The following PCDHA6 variants were observed in gnomAD, a reference collection of about 807,000 sequenced individuals.
The protein encoded by PCDHA6 is protocadherin alpha-6.
PCDHA6 carries 55 observed loss-of-function variants against 60.3 expected under a neutral mutation model. That is an observed-to-expected ratio of 0.91 (90% confidence interval 0.73 to 1.14). The LOEUF is 1.14. Among genes scored for constraint, PCDHA6 ranks in the 50% most tolerant of loss-of-function variants. The pLI, the probability that PCDHA6 is intolerant of heterozygous loss-of-function variation, is 0.00. For synonymous variants in PCDHA6, 652 were observed against 557.9 expected (o/e 1.17, Z -2.38); for missense variants, 1,327 against 1,256.5 (o/e 1.06, Z -0.85).
intron 2 of PCDHA6, among the ~76,000 whole-genome samples, chr5:140,981,613 G>C (rs1279038280): frequency 6.6e-6 from 1 of 152,056 alleles, no homozygotes; most frequent in Non-Finnish European, 1.5e-5. Flanking sequence ...CTCTAATTTT[G>C]ATGAGGGTTT....
rs782329809 is a variant in PCDHA6 at position 140,857,982 on chromosome 5, G to A, written c.2394+27497G>A. 7 of 1,596,582 alleles carry A rather than the reference G, an allele frequency of 4.4e-6. 1 individual carries two copies. In the Admixed American group the frequency reaches 5.1e-5, roughly 12 times the overall value. ...GATGAGACTGACTCGCCACGCCAGC[G>A]CCTACTGGTGCTGGTGAAGGACCAT... On this transcript the variant is annotated intron_variant, in intron 1 of 3. Coordinates refer to ENST00000529310, the MANE Select transcript of PCDHA6 (RefSeq NM_018909.4).
intron 3 of PCDHA6, among the ~76,000 whole-genome samples, chr5:140,991,888 A>T (rs1374098533): frequency 6.6e-6 from 1 of 152,178 alleles, no homozygotes; most frequent in African/African-American, 2.4e-5. Context: ...TGCCATAACA[A>T]ATTAACACAA....
chr5:140,856,905 C>T, intron 1 of PCDHA6: 1 of 1,595,990 alleles, frequency 6.3e-7, no homozygotes. Context: ...TTGGTCCCAC[C>T]CACGATAAGA....
At chr5:140,875,958 C>A in intron 1 of PCDHA6, 1 of 1,614,080 alleles carries the variant, frequency 6.2e-7, no homozygotes, top group Middle Eastern at 1.6e-4. Context: ...ATGCGGATAT[C>A]GGCGTAAACT....
At chr5:140,842,744 T>C in intron 1 of PCDHA6, 1 of 1,595,066 alleles carries the variant, frequency 6.3e-7, no homozygotes, top group East Asian at 2.2e-5. Context: ...CTGCCACATC[T>C]TCACGGTGTC....
At chr5:140,995,281 A>G (rs1159938577) in intron 3 of PCDHA6, among the ~76,000 whole-genome samples, 1 of 152,144 alleles carries the variant, frequency 6.6e-6, no homozygotes. Context: ...TGATACCAAA[A>G]CAGCCAGTCG....
chr5:140,953,542 A>G (rs2094901319), intron 1 of PCDHA6, among the ~76,000 whole-genome samples: 1 of 152,080 alleles, frequency 6.6e-6, no homozygotes, highest in Admixed American at 6.6e-5. Flanking sequence ...CTTCATGCTG[A>G]TTCTTTTCTC....
chr5:140,873,453 A>G (rs1454430298), intron 1 of PCDHA6, among the ~76,000 whole-genome samples: 2 of 152,180 alleles, frequency 1.3e-5, no homozygotes, highest in Non-Finnish European at 2.9e-5. Context: ...ACAAATTTGC[A>G]TTTTAGATAA....
At chr5:140,884,170 G>T (rs1333457358) in intron 1 of PCDHA6, 2 of 1,613,412 alleles carry the variant, frequency 1.2e-6, no homozygotes, top group Non-Finnish European at 8.5e-7. Context: ...TCAGCACGAC[G>T]CGCCCTCTGG....
chr5:140,920,716 C>T (rs1456008356), intron 1 of PCDHA6, among the ~76,000 whole-genome samples: 3 of 151,916 alleles, frequency 2.0e-5, no homozygotes, highest in South Asian at 2.1e-4. Flanking sequence ...TGGTGGTGTG[C>T]GCCTGCAGTC....
At position 140,830,140 on chromosome 5, in the gene PCDHA6, G is replaced by T. The variant is rs1305649998; in HGVS notation, c.2049G>T (p.Ser683=). Reference sequence around the variant, plus strand: ...CTCCAAAGGCGTCATCACGGGCGTCGGTGGGCGCCGCGGGCCCAGAGGCGG... The same window carrying T: ...CTCCAAAGGCGTCATCACGGGCGTCTGTGGGCGCCGCGGGCCCAGAGGCGG... ...GQAPKASSRA[S]VGAAGPEAAL... is the part of the protein sequence containing the mutation. The change falls in exon 1 of 4, where the codon TCG becomes TCT. Residue 683 remains serine (S), a synonymous_variant. Coordinates refer to ENST00000529310, the MANE Select transcript of PCDHA6 (RefSeq NM_018909.4). The T allele has an allele frequency of 1.2e-6, 2 of 1,613,352 alleles. No homozygotes were observed.
At chr5:140,854,039 C>G (rs1301679696) in intron 1 of PCDHA6, 1 of 287,104 alleles carries the variant, frequency 3.5e-6, no homozygotes, top group Admixed American at 6.8e-5. Context: ...GCACACATCT[C>G]TAGTCCCAAT....
chr5:140,869,361 G>T, intron 1 of PCDHA6: 1 of 1,614,146 alleles, frequency 6.2e-7, no homozygotes, highest in Non-Finnish European at 8.5e-7. Context: ...TTTTGTTTGT[G>T]AATTCTCGGA....
chr5:140,870,608 C>A (rs1408684171), intron 1 of PCDHA6: 1 of 1,613,106 alleles, frequency 6.2e-7, no homozygotes, highest in African/African-American at 1.3e-5. Flanking sequence ...GGCGACCGCG[C>A]GCTGTCGAGC....
intron 1 of PCDHA6, among the ~76,000 whole-genome samples, chr5:140,951,423 C>T (rs1324305371): frequency 6.6e-6 from 1 of 152,014 alleles, no homozygotes; most frequent in Non-Finnish European, 1.5e-5. Flanking sequence ...CTCACAGTTC[C>T]ACAGGCTGTA....
At chr5:140,912,689 C>T (rs879967123) in intron 1 of PCDHA6, among the ~76,000 whole-genome samples, 1 of 152,112 alleles carries the variant, frequency 6.6e-6, no homozygotes, top group Admixed American at 6.5e-5. Context: ...TTCCAGGTCT[C>T]AGGGGGAATG....
chr5:140,917,936 A>G (rs155801), intron 1 of PCDHA6, among the ~76,000 whole-genome samples: 49,654 of 151,910 alleles, frequency 0.33, 8,386 homozygotes, highest in East Asian at 0.53. Context: ...GAAAAATAAT[A>G]TTGGTAGTTT....
intron 1 of PCDHA6, chr5:140,835,753 A>C (rs1400734217): frequency 1.9e-6 from 3 of 1,613,298 alleles, no homozygotes; most frequent in Middle Eastern, 3.4e-4. Flanking sequence ...GCGTTCGCGC[A>C]GCCCGAGTAT....
intron 1 of PCDHA6, among the ~76,000 whole-genome samples, chr5:140,953,945 C>T (rs189219030): frequency 8.5e-5 from 13 of 152,154 alleles, no homozygotes; most frequent in African/African-American, 3.1e-4. Flanking sequence ...TCCCATTGCT[C>T]CCCCAACAGG....
Sources: gnomAD v4.1 joint callset for allele counts (sites outside exome capture counted in the v4.1 genomes callset) on GRCh38, gnomAD v4.1.1 for gene constraint, MANE v1.5 for transcripts, NCBI Gene and HGNC (gene_info 2026-07-23, HGNC 2026-07-21) for gene names.